The following ATP6V0A4 variants were observed in gnomAD, a reference collection of about 807,000 sequenced individuals.
The protein encoded by ATP6V0A4 is V-type proton ATPase 116 kDa subunit a 4.
ATP6V0A4 carries 86 observed loss-of-function variants against 107.3 expected under a neutral mutation model. That is an observed-to-expected ratio of 0.80 (90% confidence interval 0.67 to 0.96). The LOEUF (loss-of-function observed/expected upper bound fraction) is 0.96. ATP6V0A4 is among the 40% of genes least tolerant of loss of function. The probability of loss-of-function intolerance (pLI) is 0.00; values close to 1 mark genes in which losing one functional copy is unlikely to be tolerated. For synonymous variants in ATP6V0A4, 353 were observed against 381.4 expected (o/e 0.93, Z 0.87); for missense variants, 908 against 1,045.6 (o/e 0.87, Z 1.81).
chr7:138,731,012 C>T lies in ATP6V0A4; in HGVS notation c.1908+1865G>A, dbSNP rs564318079. 4.7e-4 allele frequency among the ~76,000 whole-genome samples: 69 copies of T among 147,976 alleles called. 1 individual carries two copies. The highest frequency in any genetic ancestry group is 1.6e-3 in the African/African-American group (66 of 40,414). ...GCAGTGGCGCAATCTTGGCTCACTGCAACCTCTGCCTCTCAGGTTCAAGCA... is the reference window on the plus strand; with the variant it reads ...GCAGTGGCGCAATCTTGGCTCACTGTAACCTCTGCCTCTCAGGTTCAAGCA... On this transcript the variant is annotated intron_variant, in intron 17 of 21. Transcript: ENST00000310018.
chr7:138,783,238 C>T (rs79615445), intron 2 of ATP6V0A4, among the ~76,000 whole-genome samples: 5,567 of 151,960 alleles, frequency 0.037, 334 homozygotes, highest in African/African-American at 0.13. Flanking sequence ...CTTCCCCTCC[C>T]CAAATTCTGT....
At chr7:138,741,572 A>G (rs1805635512) in intron 14 of ATP6V0A4, among the ~76,000 whole-genome samples, 1 of 152,188 alleles carries the variant, frequency 6.6e-6, no homozygotes, top group Admixed American at 6.5e-5. Flanking sequence ...AGTGAGAAAA[A>G]ACAAGATCAT....
At chr7:138,776,276 T>C (rs1287594767) in intron 2 of ATP6V0A4, among the ~76,000 whole-genome samples, 2 of 152,174 alleles carry the variant, frequency 1.3e-5, no homozygotes, top group African/African-American at 2.4e-5. Flanking sequence ...GCAGCGATTG[T>C]GAACCTGGGG....
intron 2 of ATP6V0A4, among the ~76,000 whole-genome samples, chr7:138,774,756 T>A (rs1469241543): frequency 6.7e-6 from 1 of 149,796 alleles, no homozygotes; most frequent in East Asian, 2.0e-4. Flanking sequence ...TAAAATAGTT[T>A]TGGAAAATAA....
rs117546941 is a variant in ATP6V0A4, at chr7:138,778,672, A to G, written c.-17-7408T>C. Reference sequence around the variant, plus strand: ...AAAACTTTCAGACAATAATCACGCGAATCCAGTTAAACGCCACAGAAAAAA... The same window carrying G: ...AAAACTTTCAGACAATAATCACGCGGATCCAGTTAAACGCCACAGAAAAAA... On this transcript the variant is annotated intron_variant, in intron 2 of 21. Transcript: ENST00000310018. Among the ~76,000 whole-genome samples, 243 of 152,216 alleles carry G rather than the reference A, an allele frequency of 1.6e-3. 7 individuals carry two copies. The East Asian group carries it at 0.041, about 26-fold the overall frequency.
intron 11 of ATP6V0A4, among the ~76,000 whole-genome samples, chr7:138,752,062 G>A (rs1260591219): frequency 1.3e-5 from 2 of 152,114 alleles, no homozygotes; most frequent in Non-Finnish European, 2.9e-5. Context: ...GTCTAGCTGA[G>A]AGACTGGCAC....
At position 138,745,259 on chromosome 7, in the gene ATP6V0A4, C is replaced by T. The variant is rs374533066; in HGVS notation, c.1342G>A (p.Gly448Arg). The T allele has an allele frequency of 1.5e-5, 25 of 1,613,906 alleles. No individual in the cohort carries two copies. Among genetic ancestry groups the T allele is most frequent in the East Asian group, 2.2e-5 (1 of 44,872 alleles). The change falls in exon 14 of 22, where the codon GGG becomes AGG. Residue 448 changes from glycine (G) to arginine (R), a missense_variant. Coordinates refer to ENST00000310018, the MANE Select transcript of ATP6V0A4 (RefSeq NM_020632.3). ...CCCATAAGTAGGATCAGATAGCGCC[C>T]GTGGAAGAAGGTGTTCCAAATCTGG... ...DNEIWNTFFH[G>R]RYLILLMGIF... is the part of the protein sequence containing the mutation.
intron 6 of ATP6V0A4, chr7:138,762,644 G>C (rs1806881984): frequency 1.8e-6 from 1 of 550,470 alleles, no homozygotes; most frequent in African/African-American, 2.1e-5. Context: ...ACCAACTGCT[G>C]TGCTTGGTTC....
chr7:138,758,718 A>G (rs1043898717), intron 8 of ATP6V0A4, among the ~76,000 whole-genome samples: 16 of 133,166 alleles, frequency 1.2e-4, no homozygotes, highest in Admixed American at 1.1e-3. Context: ...CTCAGGCCCC[A>G]CTCAGACCCA....
At chr7:138,778,562 C>T (rs753474889) in intron 2 of ATP6V0A4, among the ~76,000 whole-genome samples, 14 of 152,060 alleles carry the variant, frequency 9.2e-5, no homozygotes, top group Non-Finnish European at 1.6e-4. Flanking sequence ...GCGGCAGAAG[C>T]CAGTACATGT....
intron 1 of ATP6V0A4, among the ~76,000 whole-genome samples, chr7:138,790,119 C>T (rs1808341765): frequency 6.6e-6 from 1 of 151,922 alleles, no homozygotes; most frequent in Non-Finnish European, 1.5e-5. Flanking sequence ...GATATGACTA[C>T]TACTAACATT....
rs778248797 is a variant in ATP6V0A4, at chr7:138,721,878, G to T, written c.2139+19C>A. The T allele has an allele frequency of 2.7e-5, 44 of 1,613,612 alleles. No individual in the cohort carries two copies. The highest frequency in any genetic ancestry group is 3.6e-5 in the Non-Finnish European group (43 of 1,179,822). ...GTACAAACTGGGGAGTCTTCCTCAG[G>T]GGCTCTCGTCCCAGATACCTCTTCT... On this transcript the variant is annotated intron_variant, in intron 19 of 21. Transcript: ENST00000310018.
chr7:138,791,019 A>G (rs1808385433), intron 1 of ATP6V0A4, among the ~76,000 whole-genome samples: 1 of 152,238 alleles, frequency 6.6e-6, no homozygotes, highest in African/African-American at 2.4e-5. Flanking sequence ...CAGAAATAAT[A>G]GACAATGGAA....
intron 15 of ATP6V0A4, among the ~76,000 whole-genome samples, chr7:138,738,398 G>T (rs1322955088): frequency 6.6e-6 from 1 of 152,110 alleles, no homozygotes; most frequent in Non-Finnish European, 1.5e-5. Flanking sequence ...GGGGAGAGAC[G>T]AGACCATTGG....
chr7:138,755,434 G>A (rs1584929337), intron 10 of ATP6V0A4, among the ~76,000 whole-genome samples: 1 of 152,324 alleles, frequency 6.6e-6, no homozygotes, highest in South Asian at 2.1e-4. Flanking sequence ...GATCGGGGTG[G>A]CCACCTGAAG....
Position 138,732,993 on chromosome 7 carries a change from A to C in ATP6V0A4, c.1792T>G (p.Trp598Gly). 6.2e-7 allele frequency: 1 copy of C among 1,614,092 alleles called. No individual in the cohort carries two copies. The highest frequency in any genetic ancestry group is 8.5e-7 in the Non-Finnish European group (1 of 1,179,978). ...GATACATGGACGTCAAAGCAGCACC[A>C]TTTGAAAATGATCATGAAAACCAGG... ...GYLVFMIIFK[W>G]CCFDVHVSQH... Residue 598 changes from tryptophan to glycine, a missense_variant, in exon 17 of 22, where the codon TGG (tryptophan) becomes GGG (glycine). Physicochemically the swap from Trp to Gly is radical, Grantham distance 184. Coordinates refer to ENST00000310018, the MANE Select transcript of ATP6V0A4 (RefSeq NM_020632.3).
At position 138,707,066 on chromosome 7, in the gene ATP6V0A4, A is replaced by ATGTGTGTGTGTGTGTGTGTG. The variant is rs1178080469; in HGVS notation, c.2430-350_2430-349insCACACACACACACACACACA. Among the ~76,000 whole-genome samples, 5 of 51,116 alleles carry ATGTGTGTGTGTGTGTGTGTG rather than the reference A, an allele frequency of 9.8e-5. No individual in the cohort carries two copies. In the East Asian group the frequency reaches 2.2e-3, roughly 22 times the overall value. The allele number at this position is 51,116 out of a possible 152,430, so 33.5% of individuals were successfully genotyped here. On this transcript the variant is annotated intron_variant, in intron 21 of 21. Coordinates refer to ENST00000310018, the MANE Select transcript of ATP6V0A4 (RefSeq NM_020632.3). ...ATATACCACCATGCCTAGCTAATTTATATGTGTGTGTGTGTGTGTGTGTGT... is the reference window on the plus strand; with the variant it reads ...ATATACCACCATGCCTAGCTAATTTATGTGTGTGTGTGTGTGTGTGTATGTGTGTGTGTGTGTGTGTGTGT...
In ATP6V0A4 at chr7:138,752,812, C is replaced by T. The variant is rs532107577; in HGVS notation, c.842G>A (p.Arg281His). Residue 281 changes from arginine (R) to histidine (H), a missense_variant, in exon 11 of 22, where the codon CGC (arginine) becomes CAC (histidine). Arg to His is a conservative substitution (Grantham distance 29). Transcript: ENST00000310018. ...ITVITQTESH[R>H]QRLLQEAAAN... ...AGCGGCTTCCTGCAGCAGGCGCTGG[C>T]GGTGAGACTCTGTTTGTGTTATGAC... is the stretch of plus-strand genomic sequence containing the variant. 45 of 1,614,082 alleles carry T rather than the reference C, an allele frequency of 2.8e-5. No individual in the cohort carries two copies. The highest frequency in any genetic ancestry group is 3.1e-5 in the Non-Finnish European group (36 of 1,180,014).
intron 15 of ATP6V0A4, among the ~76,000 whole-genome samples, chr7:138,734,521 T>C (rs1345008130): frequency 1.3e-5 from 2 of 151,834 alleles, no homozygotes; most frequent in Admixed American, 6.6e-5. Context: ...AAATCCTACG[T>C]GAAAAGATAA....
Sources: allele counts gnomAD v4.1 joint callset (sites outside exome capture counted in the v4.1 genomes callset), GRCh38; gene constraint gnomAD v4.1.1; transcripts MANE v1.5; gene names NCBI Gene and HGNC (gene_info 2026-07-23, HGNC 2026-07-21).